IGSF21: variants seen among roughly 807,000 people sequenced by gnomAD.
IGSF21 encodes the protein immunoglobin superfamily member 21.
IGSF21 carries 28 observed loss-of-function variants against 46.8 expected under a neutral mutation model. The observed-to-expected ratio is 0.60, with a 90% CI of 0.44 to 0.82. The LOEUF (loss-of-function observed/expected upper bound fraction) is 0.82. Ranked by LOEUF, IGSF21 falls within the 40% of genes least tolerant of loss-of-function variation. The pLI, the probability that IGSF21 is intolerant of heterozygous loss-of-function variation, is 0.00. For synonymous variants in IGSF21, 284 were observed against 273.6 expected (o/e 1.04, Z -0.38); for missense variants, 624 against 665.5 (o/e 0.94, Z 0.69).
intron 1 of IGSF21, among the ~76,000 whole-genome samples, chr1:18,148,568 C>T (rs979622220): frequency 1.3e-5 from 2 of 152,172 alleles, no homozygotes; most frequent in African/African-American, 4.8e-5. Flanking sequence ...CCAGCTTCAG[C>T]GTCTAGACTC....
At chr1:18,227,245 A>G (rs573458545) in intron 1 of IGSF21, among the ~76,000 whole-genome samples, 41 of 152,210 alleles carry the variant, frequency 2.7e-4, no homozygotes, top group African/African-American at 8.7e-4. Flanking sequence ...GTGTTAAGGA[A>G]GCCAATGGTG....
chr1:18,161,800 C>T (rs377316678), intron 1 of IGSF21, among the ~76,000 whole-genome samples: 30 of 152,150 alleles, frequency 2.0e-4, no homozygotes, highest in East Asian at 5.8e-4. Flanking sequence ...AAAGGCAAAG[C>T]GGTGGAGCAA....
chr1:18,147,863 G>A (rs9728857), intron 1 of IGSF21, among the ~76,000 whole-genome samples: 15,771 of 152,108 alleles, frequency 0.1, 1,390 homozygotes, highest in African/African-American at 0.24. Context: ...CCCATGTGTC[G>A]TGGGAGGGAC....
chr1:18,363,286 G>A (rs746136487), intron 5 of IGSF21, among the ~76,000 whole-genome samples: 3 of 152,192 alleles, frequency 2.0e-5, no homozygotes, highest in African/African-American at 7.2e-5. Context: ...AGTTCAAGAC[G>A]GGAGCCAAAT....
At chr1:18,187,610 C>A (rs2086916248) in intron 1 of IGSF21, among the ~76,000 whole-genome samples, 1 of 152,184 alleles carries the variant, frequency 6.6e-6, no homozygotes, top group Non-Finnish European at 1.5e-5. Flanking sequence ...GACCCTCCCA[C>A]AACACATAGG....
At chr1:18,156,812 G>C (rs1295287268) in intron 1 of IGSF21, among the ~76,000 whole-genome samples, 1 of 152,220 alleles carries the variant, frequency 6.6e-6, no homozygotes, top group Non-Finnish European at 1.5e-5. Flanking sequence ...GGAAGTGAGA[G>C]CGGACAGTGG....
At chr1:18,182,938 T>G (rs2086870836) in intron 1 of IGSF21, among the ~76,000 whole-genome samples, 1 of 152,166 alleles carries the variant, frequency 6.6e-6, no homozygotes, top group African/African-American at 2.4e-5. Flanking sequence ...CGAGGCCTGG[T>G]GACACAGCAT....
chr1:18,315,180 G>T (rs2085528255), intron 3 of IGSF21, among the ~76,000 whole-genome samples: 1 of 152,134 alleles, frequency 6.6e-6, no homozygotes, highest in Non-Finnish European at 1.5e-5. Flanking sequence ...GCTCTCCAGG[G>T]CAGGTCTCAT....
intron 2 of IGSF21, among the ~76,000 whole-genome samples, chr1:18,254,980 A>C (rs1223797601): frequency 6.6e-6 from 1 of 152,192 alleles, no homozygotes. Context: ...TATCTGGAGA[A>C]TGAAGGGGTT....
At chr1:18,159,842 C>A (rs148415738) in intron 1 of IGSF21, among the ~76,000 whole-genome samples, 1 of 152,084 alleles carries the variant, frequency 6.6e-6, no homozygotes, top group East Asian at 1.9e-4. Context: ...GCACCACGCC[C>A]GGCTAATTTT....
intron 3 of IGSF21, among the ~76,000 whole-genome samples, chr1:18,302,013 C>G (rs2085366580): frequency 6.6e-6 from 1 of 152,138 alleles, no homozygotes; most frequent in Non-Finnish European, 1.5e-5. Context: ...CCTCAGTCCC[C>G]ATGGAGCTGG....
chr1:18,273,253 C>T (rs1194753159), intron 2 of IGSF21, among the ~76,000 whole-genome samples: 1 of 151,588 alleles, frequency 6.6e-6, no homozygotes, highest in Non-Finnish European at 1.5e-5. Context: ...ATTGGCCAGG[C>T]TGGTCTTGAA....
chr1:18,147,759 G>C (rs114886442), intron 1 of IGSF21, among the ~76,000 whole-genome samples: 11 of 152,234 alleles, frequency 7.2e-5, no homozygotes, highest in Non-Finnish European at 1.6e-4. Flanking sequence ...TTTGTGAAAG[G>C]TACTATTATT....
intron 1 of IGSF21, among the ~76,000 whole-genome samples, chr1:18,129,238 G>A (rs552070988): frequency 1.3e-5 from 2 of 152,198 alleles, no homozygotes; most frequent in South Asian, 2.1e-4. Flanking sequence ...GAGAGTAACC[G>A]GGGCTTGGAC....
intron 1 of IGSF21, among the ~76,000 whole-genome samples, chr1:18,154,263 T>C (rs963407633): frequency 5.9e-5 from 9 of 152,138 alleles, no homozygotes; most frequent in South Asian, 2.1e-4. Context: ...GGGACTTGGA[T>C]GGGATTTGAT....
At position 18,107,988 on chromosome 1, in the gene IGSF21, G is replaced by C. The variant is rs2086106750; in HGVS notation, c.-141G>C. On this transcript the variant is annotated 5_prime_UTR_variant, in exon 1 of 10. Transcript: ENST00000251296. ...TGCCTGGCCGCGGCGGCATGGGGGC[G>C]CCCCCGCGGCTCTCCGCGCTGCCCG... The C allele has an allele frequency of 3.9e-6, 1 of 258,206 alleles. No homozygotes were observed. Among genetic ancestry groups the C allele is most frequent in the African/African-American group, 2.3e-5 (1 of 43,512 alleles). 16.0% of individuals were successfully genotyped at this position (258,206 alleles called of 1,614,324 possible).
At chr1:18,108,756 T>C (rs1224980840) in intron 1 of IGSF21, among the ~76,000 whole-genome samples, 1 of 151,792 alleles carries the variant, frequency 6.6e-6, no homozygotes, top group Non-Finnish European at 1.5e-5. Flanking sequence ...GTCCCGAGTG[T>C]GCAGGTCTCT....
intron 2 of IGSF21, among the ~76,000 whole-genome samples, chr1:18,273,039 C>CTGTTTTTTTTTTTT: frequency 1.2e-5 from 1 of 80,722 alleles, no homozygotes; most frequent in Non-Finnish European, 2.4e-5. Context: ...CCAGACGGAT[C>CTGTTTTTTTTTTTT]TTTTTTTTTT....
chr1:18,296,110 C>T (rs560470650), intron 3 of IGSF21, among the ~76,000 whole-genome samples: 13 of 152,302 alleles, frequency 8.5e-5, no homozygotes, highest in Non-Finnish European at 1.6e-4. Flanking sequence ...TCAACTCTCT[C>T]CCGGAGTTTC....
Sources: gnomAD v4.1 joint callset for allele counts (sites outside exome capture counted in the v4.1 genomes callset) on GRCh38, gnomAD v4.1.1 for gene constraint, MANE v1.5 for transcripts, NCBI Gene and HGNC (gene_info 2026-07-23, HGNC 2026-07-21) for gene names.